Variants in GRM7 observed in about 807,000 individuals in gnomAD.
GRM7 encodes the protein metabotropic glutamate receptor 7.
Under a neutral mutation model 84.5 loss-of-function variants are expected in GRM7, and 35 were observed. That is an observed-to-expected ratio of 0.41 (90% CI 0.32 to 0.55). The LOEUF (loss-of-function observed/expected upper bound fraction) is 0.55, where lower values mean the gene tolerates loss of function less well. Among genes scored for constraint, GRM7 ranks in the 20% least tolerant of loss-of-function variants. The pLI is 0.19. For synonymous variants in GRM7, 487 were observed against 455.1 expected, an observed-to-expected ratio of 1.07 and a Z score of -0.89; for missense variants, 1,003 against 1,194.6, an observed-to-expected ratio of 0.84 and a Z score of 2.36.
intron 1 of GRM7, among the ~76,000 whole-genome samples, chr3:7,075,916 T>A (rs773350267): frequency 2.0e-5 from 3 of 150,032 alleles, no homozygotes; most frequent in African/African-American, 7.6e-5. Flanking sequence ...CAATCCTCTG[T>A]GCCACAAAAC....
Position 6,928,713 on chromosome 3 carries a change from A to G in GRM7, c.519+66806A>G, listed in dbSNP as rs1387412188. Among the ~76,000 whole-genome samples the G allele has an allele frequency of 1.3e-5, 2 of 152,198 alleles. No individual in the cohort carries two copies. Among genetic ancestry groups the G allele is most frequent in the Non-Finnish European group, 2.9e-5 (2 of 68,036 alleles). On this transcript the variant is annotated intron_variant, in intron 1 of 9. Coordinates refer to ENST00000357716, the MANE Select transcript of GRM7 (RefSeq NM_000844.4). The surrounding 1 kb of genome is among the most constrained non-coding windows in gnomAD (Gnocchi z 4.5). ...ATCTTCTCTTGGCCTCCAATTTATC[A>G]CTAAATGGCTTTTCCATGGATTGCA...
intron 2 of GRM7, among the ~76,000 whole-genome samples, chr3:7,251,172 C>G (rs1697970711): frequency 6.6e-6 from 1 of 151,978 alleles, no homozygotes; most frequent in East Asian, 1.9e-4. Flanking sequence ...ATTAAGTATT[C>G]ACTAATGAGT....
intron 8 of GRM7, among the ~76,000 whole-genome samples, chr3:7,614,902 T>C (rs1697013572): frequency 6.6e-6 from 1 of 152,174 alleles, no homozygotes; most frequent in African/African-American, 2.4e-5. Flanking sequence ...AACCCACCTA[T>C]TTATTCTTTC....
At chr3:6,914,146 T>C (rs993860733) in intron 1 of GRM7, among the ~76,000 whole-genome samples, 1 of 152,166 alleles carries the variant, frequency 6.6e-6, no homozygotes, top group Non-Finnish European at 1.5e-5. Flanking sequence ...CTCCTTTGCC[T>C]TCAAGTACTT....
At chr3:7,076,382 C>T (rs556937876) in intron 1 of GRM7, among the ~76,000 whole-genome samples, 4 of 152,198 alleles carry the variant, frequency 2.6e-5, no homozygotes, top group African/African-American at 9.6e-5. Flanking sequence ...ATCATGAGGA[C>T]AGTTTCCCCC....
intron 1 of GRM7, among the ~76,000 whole-genome samples, chr3:6,883,565 C>T (rs1417580561): frequency 2.6e-5 from 4 of 152,062 alleles, no homozygotes; most frequent in African/African-American, 9.7e-5. Flanking sequence ...TTTTATATGG[C>T]ACATAGGGTG....
intron 8 of GRM7, among the ~76,000 whole-genome samples, chr3:7,603,260 A>G (rs961038458): frequency 6.6e-6 from 1 of 152,264 alleles, no homozygotes; most frequent in Admixed American, 6.5e-5. Flanking sequence ...TGAAGAAAAA[A>G]AAATCAGTCC....
intron 8 of GRM7, among the ~76,000 whole-genome samples, chr3:7,646,006 G>C (rs1245637523): frequency 6.6e-6 from 1 of 152,028 alleles, no homozygotes; most frequent in Non-Finnish European, 1.5e-5. Flanking sequence ...AGATCTATCA[G>C]AATATTACAT....
Position 6,959,029 on chromosome 3 carries a change from ATTAAAG to A in GRM7, c.519+97124_519+97129del, listed in dbSNP as rs963032403. On this transcript the variant is annotated intron_variant, in intron 1 of 9. Coordinates refer to ENST00000357716, the MANE Select transcript of GRM7 (RefSeq NM_000844.4). ...CATATGGCCCTGTAGGCGTCATTTG[ATTAAAG>A]TGGAGGAAATTTTTGATGGTGAAAA... Among the ~76,000 whole-genome samples, 261 of 152,364 alleles carry A rather than the reference ATTAAAG, an allele frequency of 1.7e-3. 2 individuals carry two copies. Among genetic ancestry groups the A allele is most frequent in the African/African-American group, 5.6e-3 (234 of 41,592 alleles).
At chr3:7,652,400 C>T (rs1298980026) in intron 8 of GRM7, among the ~76,000 whole-genome samples, 5 of 152,132 alleles carry the variant, frequency 3.3e-5, no homozygotes, top group African/African-American at 4.8e-5. Flanking sequence ...GAGCAGTACC[C>T]GGCAAAGAGC....
In GRM7 at chr3:7,452,175, C is replaced by T. The variant is rs142311904; in HGVS notation, c.1175-432C>T. Among the ~76,000 whole-genome samples the T allele has an allele frequency of 5.3e-5, 8 of 152,240 alleles. No individual in the cohort carries two copies. The East Asian group carries it at 7.7e-4, about 15-fold the overall frequency. ...CTGAATCTCCAGTAATACTAACAATCGAGACAGGCAACAGAGACGGTACAA... is the reference window on the plus strand; with the variant it reads ...CTGAATCTCCAGTAATACTAACAATTGAGACAGGCAACAGAGACGGTACAA... On this transcript the variant is annotated intron_variant, in intron 5 of 9. Transcript: ENST00000357716.
intron 7 of GRM7, among the ~76,000 whole-genome samples, chr3:7,522,018 A>G (rs751043760): frequency 3.8e-4 from 57 of 151,930 alleles, no homozygotes; most frequent in Non-Finnish European, 2.6e-4. Context: ...CTTGGGCTTT[A>G]CCCTGGAAAG....
chr3:7,684,039 C>G lies in GRM7; in HGVS notation c.2698+3744C>G, dbSNP rs114056313. Among the ~76,000 whole-genome samples the G allele has an allele frequency of 9.0e-3, 1,366 of 152,176 alleles. 19 individuals carry two copies. The highest frequency in any genetic ancestry group is 0.031 in the African/African-American group (1,266 of 41,508). ...AATAGGGAAAAAGTAACATCATAGA[C>G]AGCAATGACATTTGAAAAACCAGTC... On this transcript the variant is annotated intron_variant, in intron 9 of 9. Coordinates refer to ENST00000357716, the MANE Select transcript of GRM7 (RefSeq NM_000844.4).
At chr3:6,975,451 C>T (rs545509826) in intron 1 of GRM7, among the ~76,000 whole-genome samples, 1 of 152,158 alleles carries the variant, frequency 6.6e-6, no homozygotes, top group Non-Finnish European at 1.5e-5. Flanking sequence ...AAAATCATTT[C>T]ACTTCTCTAG....
At chr3:7,659,505 G>C (rs1699343275) in intron 8 of GRM7, among the ~76,000 whole-genome samples, 1 of 152,088 alleles carries the variant, frequency 6.6e-6, no homozygotes, top group Non-Finnish European at 1.5e-5. Context: ...ACACATAGTA[G>C]AATCTCAATA....
rs182358254 is a variant in GRM7 at position 6,865,307 on chromosome 3, C to T, written c.519+3400C>T. Among the ~76,000 whole-genome samples, 236 of 152,258 alleles carry T rather than the reference C, an allele frequency of 1.5e-3. 1 individual carries two copies. Among genetic ancestry groups the T allele is most frequent in the Non-Finnish European group, 2.6e-3 (177 of 68,012 alleles). ...CTGGAAGTAGAGAGGTTATATAATACGGTGACCAATGGATAAATCTCCTCT... is the reference window on the plus strand; with the variant it reads ...CTGGAAGTAGAGAGGTTATATAATATGGTGACCAATGGATAAATCTCCTCT... On this transcript the variant is annotated intron_variant, in intron 1 of 9. Transcript: ENST00000357716.
chr3:7,535,153 A>C (rs1197627373), intron 7 of GRM7: 1 of 152,178 alleles, frequency 6.6e-6, no homozygotes, highest in Non-Finnish European at 1.5e-5. Flanking sequence ...TGCATGTTTA[A>C]GGGAGTCTTT....
chr3:7,176,756 C>T (rs1313831001), intron 2 of GRM7, among the ~76,000 whole-genome samples: 1 of 152,130 alleles, frequency 6.6e-6, no homozygotes. Flanking sequence ...GGTTACATTC[C>T]ATTCTTCCAT....
intron 1 of GRM7, among the ~76,000 whole-genome samples, chr3:6,956,238 C>T (rs190510219): frequency 3.4e-4 from 52 of 152,228 alleles, no homozygotes; most frequent in Middle Eastern, 3.4e-3. Context: ...GCATTGTAGT[C>T]GGAAAGATTC....
Sources: gnomAD v4.1 joint callset for allele counts (sites outside exome capture counted in the v4.1 genomes callset) on GRCh38, gnomAD v4.1.1 for gene constraint, Gnocchi (gnomAD v3.1) non-coding constraint, MANE v1.5 for transcripts, NCBI Gene and HGNC (gene_info 2026-07-23, HGNC 2026-07-21) for gene names.